GRAMD1B: variants seen among roughly 807,000 people sequenced by gnomAD.
The protein encoded by GRAMD1B is GRAM domain containing 1B, also known as protein Aster-B.
Under a neutral mutation model 99.7 loss-of-function variants are expected in GRAMD1B, and 37 were observed. The observed-to-expected ratio is 0.37, with a 90% CI of 0.29 to 0.49. The LOEUF (loss-of-function observed/expected upper bound fraction) is 0.49, where lower values mean the gene tolerates loss of function less well. Among genes scored for constraint, GRAMD1B ranks in the 20% least tolerant of loss-of-function variants. The probability of loss-of-function intolerance (pLI) is 0.98; values close to 1 mark genes in which losing one functional copy is unlikely to be tolerated. For synonymous variants in GRAMD1B, 427 were observed against 387.6 expected, an observed-to-expected ratio of 1.10 and a Z score of -1.19; for missense variants, 888 against 1,009.2, an observed-to-expected ratio of 0.88 and a Z score of 1.63.
intron 2 of GRAMD1B, among the ~76,000 whole-genome samples, chr11:123,544,335 G>A (rs1944847092): frequency 6.6e-6 from 1 of 152,188 alleles, no homozygotes; most frequent in African/African-American, 2.4e-5. Flanking sequence ...AACCCAGTCT[G>A]CAGAATAAAA....
rs1565485922 is a variant in GRAMD1B, at chr11:123,624,438, G to T, written c.*1843G>T. 1 of 152,240 alleles carries T rather than the reference G, an allele frequency of 6.6e-6. No homozygotes were observed. The highest frequency in any genetic ancestry group is 1.5e-5 in the Non-Finnish European group (1 of 68,060). 9.4% of individuals were successfully genotyped at this position (152,240 alleles called of 1,614,324 possible). On this transcript the variant is annotated 3_prime_UTR_variant, in exon 20 of 20. Transcript: ENST00000635736. ...AGGTGATCCTCCAAGGGAGGAGGGTGAGGAGGCTCCAGGGCATGAGCTAGA... is the reference window on the plus strand; with the variant it reads ...AGGTGATCCTCCAAGGGAGGAGGGTTAGGAGGCTCCAGGGCATGAGCTAGA...
chr11:123,372,818 T>C (rs1215039013), intron 1 of GRAMD1B, among the ~76,000 whole-genome samples: 3 of 152,200 alleles, frequency 2.0e-5, no homozygotes, highest in Non-Finnish European at 4.4e-5. Flanking sequence ...TCACTCTCTG[T>C]TAACAGGCAG....
chr11:123,585,523 G>C (rs145464976), intron 4 of GRAMD1B, among the ~76,000 whole-genome samples: 71 of 152,310 alleles, frequency 4.7e-4, no homozygotes, highest in Admixed American at 9.8e-4. Context: ...GTTGTGGAGA[G>C]AGTTATGGGC....
intron 1 of GRAMD1B, among the ~76,000 whole-genome samples, chr11:123,448,538 T>C (rs1314730459): frequency 6.6e-6 from 1 of 152,190 alleles, no homozygotes; most frequent in African/African-American, 2.4e-5. Context: ...TACTTCTAAA[T>C]CCATATACTG....
intron 8 of GRAMD1B, 79 bp downstream of exon 8, chr11:123,600,627 T>C (rs1296255890): frequency 3.6e-6 from 3 of 839,936 alleles, no homozygotes; most frequent in Non-Finnish European, 5.9e-6. Context: ...GTTCTGGGAA[T>C]CCCCCACTGA....
At chr11:123,555,768 C>T (rs994642596) in intron 2 of GRAMD1B, among the ~76,000 whole-genome samples, 2 of 151,966 alleles carry the variant, frequency 1.3e-5, no homozygotes, top group African/African-American at 4.8e-5. Context: ...GAGTTTTGCT[C>T]TTCTTACTCA....
chr11:123,485,298 C>T (rs1344119824), intron 2 of GRAMD1B, among the ~76,000 whole-genome samples: 1 of 152,186 alleles, frequency 6.6e-6, no homozygotes, highest in Non-Finnish European at 1.5e-5. Flanking sequence ...GATGCACTTT[C>T]AGCTGGTTTA....
At chr11:123,581,537 C>G (rs1180765597) in intron 3 of GRAMD1B, among the ~76,000 whole-genome samples, 5 of 152,168 alleles carry the variant, frequency 3.3e-5, no homozygotes, top group Non-Finnish European at 7.3e-5. Context: ...GGGACCCCTG[C>G]CCACAGTGGA....
intron 1 of GRAMD1B, among the ~76,000 whole-genome samples, chr11:123,410,257 C>CA (rs994250044): frequency 9.3e-5 from 14 of 150,174 alleles, no homozygotes; most frequent in African/African-American, 2.9e-4. Flanking sequence ...AACAAACAAA[C>CA]AAAAAAACCA....
intron 2 of GRAMD1B, among the ~76,000 whole-genome samples, chr11:123,565,249 GCCTGGCCTCAAAGT>G (rs765757521): frequency 1.2e-4 from 18 of 147,600 alleles, no homozygotes; most frequent in Non-Finnish European, 2.5e-4. Context: ...ATGTTGCCCA[GCCTGGCCTCAAAGT>G]CCTGGCCTCA....
At position 123,397,622 on chromosome 11, in the gene GRAMD1B, C is replaced by T. The variant is rs1188508085; in HGVS notation, c.-176+38823C>T. The stretch of plus-strand genomic sequence containing the variant: ...GGCTTAAGTGATCCTCCTGCCTCAG[C>T]CTCCCAAGTAGCTGGGACCCCAGAG... On this transcript the variant is annotated intron_variant, in intron 1 of 20. Coordinates refer to the GRAMD1B transcript ENST00000638157. 2.0e-5 allele frequency among the ~76,000 whole-genome samples: 3 copies of T among 152,138 alleles called. No homozygotes were observed. In the East Asian group the frequency reaches 5.8e-4, roughly 29 times the overall value.
intron 2 of GRAMD1B, among the ~76,000 whole-genome samples, chr11:123,516,978 G>A (rs1017186967): frequency 1.7e-4 from 26 of 152,282 alleles, no homozygotes; most frequent in African/African-American, 6.3e-4. Context: ...GGAGAGCAAT[G>A]GCACGATCTT....
At position 123,430,817 on chromosome 11, in the gene GRAMD1B, A is replaced by T. The variant is rs1948843019; in HGVS notation, c.25A>T (p.Asn9Tyr). 2 of 694,752 alleles carry T rather than the reference A, an allele frequency of 2.9e-6. No individual in the cohort carries two copies. Among genetic ancestry groups the T allele is most frequent in the Non-Finnish European group, 5.2e-6 (2 of 381,704 alleles). 43.0% of individuals were successfully genotyped at this position (694,752 alleles called of 1,614,324 possible). A position where few individuals can be genotyped will look rare whatever the true frequency, so the allele number is the denominator to read the frequency against. ...CATGCCGGCGGCCAACATGATGGAG[A>T]ACCGGCCGCTGCCCGCCCTGCAGGT... MPAANMME[N>Y]RPLPALQVPE... Residue 9 changes from asparagine to tyrosine, a missense_variant, in exon 1 of 20, where the codon AAC becomes TAC. Asn to Tyr is a moderately radical substitution (Grantham distance 143, BLOSUM62 -2). Around this residue, in one of 5 missense-constraint regions of GRAMD1B, gnomAD observed 233 missense variants for 154.6 expected, o/e 1.51. Transcript: ENST00000635736.
chr11:123,577,245 GCCCCTCA>G, intron 2 of GRAMD1B, 115 bp from the exon 3 acceptor site: 1 of 817,090 alleles, frequency 1.2e-6, no homozygotes, highest in Non-Finnish European at 2.0e-6. Context: ...TTTCTCCCCA[GCCCCTCA>G]CCTGGCTCCC....
intron 1 of GRAMD1B, among the ~76,000 whole-genome samples, chr11:123,414,804 C>A (rs1487801481): frequency 1.3e-5 from 2 of 152,170 alleles, no homozygotes; most frequent in Non-Finnish European, 2.9e-5. Flanking sequence ...GATGAGTAAA[C>A]CACGATTGAG....
intron 2 of GRAMD1B, among the ~76,000 whole-genome samples, chr11:123,529,957 G>T (rs916972258): frequency 6.6e-6 from 1 of 152,058 alleles, no homozygotes; most frequent in Non-Finnish European, 1.5e-5. Context: ...CTTCAGGAAA[G>T]TCAGTGTGCT....
At chr11:123,619,590 T>C in intron 19 of GRAMD1B, 1 of 1,091,906 alleles carries the variant, frequency 9.2e-7, no homozygotes, top group Non-Finnish European at 1.2e-6. Context: ...CCAGAGGGCA[T>C]GTCTTTGAGT....
chr11:123,520,385 G>A (rs1374962357), intron 2 of GRAMD1B, among the ~76,000 whole-genome samples: 1 of 152,098 alleles, frequency 6.6e-6, no homozygotes, highest in Non-Finnish European at 1.5e-5. Context: ...TATCAAGCCT[G>A]TTTATAAAAA....
intron 1 of GRAMD1B, among the ~76,000 whole-genome samples, chr11:123,361,109 C>A (rs961899718): frequency 6.6e-6 from 1 of 152,186 alleles, no homozygotes; most frequent in African/African-American, 2.4e-5. Context: ...AGCCACTGCG[C>A]CTGGCTGAAA....
Sources: gnomAD v4.1 joint callset for allele counts (sites outside exome capture counted in the v4.1 genomes callset) on GRCh38, gnomAD v4.1.1 for gene constraint, gnomAD v4.1.1 regional missense constraint, MANE v1.5 for transcripts, NCBI Gene and HGNC (gene_info 2026-07-23, HGNC 2026-07-21) for gene names.